The following FANK1 variants were observed in gnomAD, a reference collection of about 807,000 sequenced individuals.
FANK1 encodes fibronectin type III and ankyrin repeat domains 1.
Under a neutral mutation model 45.3 loss-of-function variants are expected in FANK1, and 44 were observed. That is an observed-to-expected ratio of 0.97 (90% CI 0.76 to 1.25). The LOEUF is 1.25. Among genes scored for constraint, FANK1 ranks in the 50% most tolerant of loss-of-function variants. FANK1 has a pLI of 0.00. For missense variants in FANK1, 391 were observed against 424.4 expected, an observed-to-expected ratio of 0.92 and a Z score of 0.69; for synonymous variants, 149 against 152.5, an observed-to-expected ratio of 0.98 and a Z score of 0.17.
chr10:125,978,873 G>A (rs1246678219), intron 1 of FANK1, among the ~76,000 whole-genome samples: 2 of 152,176 alleles, frequency 1.3e-5, no homozygotes, highest in Non-Finnish European at 2.9e-5. Flanking sequence ...TTTCCTAAGT[G>A]TATGTACAGG....
At chr10:125,997,713 G>A (rs996067156) in intron 6 of FANK1, among the ~76,000 whole-genome samples, 1 of 152,210 alleles carries the variant, frequency 6.6e-6, no homozygotes, top group Admixed American at 6.5e-5. Context: ...GTAACGTATG[G>A]TGACTTCTCT....
At chr10:125,930,523 A>G (rs1947684166) in intron 1 of FANK1, among the ~76,000 whole-genome samples, 2 of 149,252 alleles carry the variant, frequency 1.3e-5, no homozygotes, top group African/African-American at 4.9e-5. Context: ...TTTTTATTAG[A>G]CATGAAGTAT....
chr10:125,992,702 G>A (rs554977218), intron 3 of FANK1, among the ~76,000 whole-genome samples: 7 of 150,408 alleles, frequency 4.7e-5, no homozygotes, highest in East Asian at 3.9e-4. Flanking sequence ...GTTAGGATGC[G>A]CTAGGAAGTG....
At chr10:126,008,130 AAG>A (rs1396472482) in intron 7 of FANK1, among the ~76,000 whole-genome samples, 1 of 152,196 alleles carries the variant, frequency 6.6e-6, no homozygotes, top group Admixed American at 6.5e-5. Flanking sequence ...AAGAGAAAAT[AAG>A]AACTCCCCAG....
chr10:125,953,600 G>A (rs1949391082), intron 1 of FANK1, among the ~76,000 whole-genome samples: 2 of 152,332 alleles, frequency 1.3e-5, no homozygotes, highest in Admixed American at 6.5e-5. Context: ...AAAGTGAGCA[G>A]CTTGTGAAAG....
intron 1 of FANK1, among the ~76,000 whole-genome samples, chr10:125,977,985 G>A (rs1950957037): frequency 6.6e-6 from 1 of 152,186 alleles, no homozygotes; most frequent in Admixed American, 6.5e-5. Context: ...AGTTGGTACT[G>A]GCTCCACAGC....
intron 7 of FANK1, among the ~76,000 whole-genome samples, chr10:126,006,321 C>A (rs1953195193): frequency 6.6e-6 from 1 of 152,140 alleles, no homozygotes; most frequent in Non-Finnish European, 1.5e-5. Context: ...AAGAAAAGTG[C>A]CCCCTTATAG....
At chr10:125,987,609 A>G (rs766782172) in intron 2 of FANK1, among the ~76,000 whole-genome samples, 1 of 152,146 alleles carries the variant, frequency 6.6e-6, no homozygotes, top group Admixed American at 6.6e-5. Context: ...AGATTTGAAA[A>G]GGGATACATG....
intron 6 of FANK1, among the ~76,000 whole-genome samples, chr10:126,002,899 C>T (rs1952884382): frequency 6.6e-6 from 1 of 150,650 alleles, no homozygotes; most frequent in African/African-American, 2.4e-5. Context: ...CGTGTCATAT[C>T]ACTTCTAAGA....
At chr10:125,992,771 G>A (rs1039902316) in intron 3 of FANK1, among the ~76,000 whole-genome samples, 5 of 151,926 alleles carry the variant, frequency 3.3e-5, no homozygotes, top group African/African-American at 4.8e-5. Flanking sequence ...TAGAGGGGTC[G>A]GTGTAGAGAG....
intron 5 of FANK1, among the ~76,000 whole-genome samples, chr10:125,997,001 A>G (rs10901504): frequency 0.35 from 53,531 of 151,976 alleles, 9,901 homozygotes; most frequent in South Asian, 0.45. Flanking sequence ...CACTCTCATT[A>G]TCTGTTCCAC....
chr10:125,930,413 T>C (rs977878031), intron 1 of FANK1, among the ~76,000 whole-genome samples: 1 of 152,014 alleles, frequency 6.6e-6, no homozygotes, highest in Non-Finnish European at 1.5e-5. Context: ...CATGGCTCAC[T>C]GCAGCCTCAA....
At chr10:125,952,102 C>T (rs79536716) in intron 1 of FANK1, among the ~76,000 whole-genome samples, 2,074 of 152,138 alleles carry the variant, frequency 0.014, 63 homozygotes, top group East Asian at 0.094. Flanking sequence ...ATCAGGCAGC[C>T]TCATCCCAAG....
chr10:125,938,292 AT>A (rs1024233472), intron 1 of FANK1, among the ~76,000 whole-genome samples: 8 of 63,484 alleles, frequency 1.3e-4, no homozygotes, highest in African/African-American at 4.1e-4. Context: ...TGAATTTATG[AT>A]TAAAAAAAAA....
intron 1 of FANK1, among the ~76,000 whole-genome samples, chr10:125,920,010 T>C (rs1470317477): frequency 3.3e-5 from 5 of 152,140 alleles, no homozygotes; most frequent in Non-Finnish European, 5.9e-5. Flanking sequence ...ATTAATTCCT[T>C]GCAGTTCAAA....
intron 1 of FANK1, among the ~76,000 whole-genome samples, chr10:125,945,960 G>T (rs185549632): frequency 5.9e-5 from 9 of 152,206 alleles, no homozygotes; most frequent in African/African-American, 2.2e-4. Flanking sequence ...CCTGACCCCC[G>T]AGCAGCCTAA....
At chr10:125,989,987 T>G (rs1951818533) in intron 3 of FANK1, among the ~76,000 whole-genome samples, 1 of 152,100 alleles carries the variant, frequency 6.6e-6, no homozygotes, top group Non-Finnish European at 1.5e-5. Context: ...CACTGCACAC[T>G]CCCCTACCTC....
In FANK1 at chr10:125,996,644, T is replaced by TA; in HGVS notation, c.473+23dup. ...CACCAGGTATGGCTCTTCTTTTTTT[T>TA]AAATCTCTCTTGGGGATTTAACTTT... On this transcript the variant is annotated intron_variant, in intron 5 of 10. Coordinates refer to ENST00000368693, the MANE Select transcript of FANK1 (RefSeq NM_145235.5). The TA allele has an allele frequency of 6.2e-7, 1 of 1,610,160 alleles. No individual in the cohort carries two copies.
chr10:125,919,529 C>G (rs201133189), intron 1 of FANK1, among the ~76,000 whole-genome samples: 1 of 131,442 alleles, frequency 7.6e-6, no homozygotes, highest in Non-Finnish European at 1.7e-5. Flanking sequence ...TTGTAATGGA[C>G]CTGGGAGATC....
Sources: gnomAD v4.1 joint callset for allele counts (sites outside exome capture counted in the v4.1 genomes callset) on GRCh38, gnomAD v4.1.1 for gene constraint, MANE v1.5 for transcripts, NCBI Gene and HGNC (gene_info 2026-07-23, HGNC 2026-07-21) for gene names.